Variants in CRADD observed in about 807,000 individuals in gnomAD.
CRADD encodes death domain-containing protein CRADD.
Under a neutral mutation model 15.5 loss-of-function variants are expected in CRADD, and 9 were observed. The ratio of observed to expected loss-of-function variants is 0.58; its 90% CI spans 0.35 to 1.01. The LOEUF is 1.01. Ranked by LOEUF, CRADD falls within the 50% of genes least tolerant of loss-of-function variation. The pLI is 0.02. For synonymous variants in CRADD, 118 were observed against 107.6 expected, an observed-to-expected ratio of 1.10 and a Z score of -0.60; for missense variants, 227 against 250.3, an observed-to-expected ratio of 0.91 and a Z score of 0.63.
chr12:93,687,193 A>G (rs1955458916), intron 2 of CRADD, among the ~76,000 whole-genome samples: 1 of 152,202 alleles, frequency 6.6e-6, no homozygotes, highest in Non-Finnish European at 1.5e-5. Flanking sequence ...TAGGAATAGC[A>G]AACATGTGAC....
chr12:93,684,547 A>C (rs1408277999), intron 2 of CRADD, among the ~76,000 whole-genome samples: 1 of 152,220 alleles, frequency 6.6e-6, no homozygotes, highest in Non-Finnish European at 1.5e-5. Context: ...TGTGCAAGAC[A>C]GTAGGTGCTG....
At chr12:93,894,406 C>A in exon 3 of CRADD, 1 of 427,248 alleles carries the variant, frequency 2.3e-6, no homozygotes, top group Non-Finnish European at 4.3e-6. Context: ...GTGAGAAGCC[C>A]TGGTCTATAC....
At chr12:93,686,304 C>CAGAAAA (rs1955438143) in intron 2 of CRADD, among the ~76,000 whole-genome samples, 1 of 65,984 alleles carries the variant, frequency 1.5e-5, no homozygotes, top group Non-Finnish European at 2.7e-5. Flanking sequence ...CCATCCCCCC[C>CAGAAAA]AAAAAAAAAA....
Position 93,824,421 on chromosome 12 carries a change from T to TACAC in CRADD, c.299-25532_299-25529dup, listed in dbSNP as rs35071454. Among the ~76,000 whole-genome samples the TACAC allele has an allele frequency of 0.088, 13,267 of 150,426 alleles. 632 individuals carry two copies. The highest frequency in any genetic ancestry group is 0.23 in the Middle Eastern group (68 of 292). On this transcript the variant is annotated intron_variant, in intron 2 of 2. Transcript: ENST00000332896. This position sits in a 1 kb window ranked among gnomAD's most constrained non-coding sequence, Gnocchi z 4.3. ...ACACACACACACTCATACACACACA[T>TACAC]ACACACACACACACACACACTACCA...
chr12:93,855,356 A>G (rs1025891135), downstream of CRADD, among the ~76,000 whole-genome samples: 6 of 152,082 alleles, frequency 3.9e-5, no homozygotes, highest in African/African-American at 1.2e-4. Context: ...TCATTCAGCT[A>G]TTCAGCAAAC....
At chr12:93,743,817 T>C (rs187255567) in intron 2 of CRADD, among the ~76,000 whole-genome samples, 1 of 152,324 alleles carries the variant, frequency 6.6e-6, no homozygotes, top group East Asian at 1.9e-4. Flanking sequence ...CTTGAAATTA[T>C]GCAATAAAAT....
intron 2 of CRADD, among the ~76,000 whole-genome samples, chr12:93,742,902 G>C (rs990517726): frequency 7.2e-5 from 11 of 152,228 alleles, no homozygotes; most frequent in Admixed American, 6.5e-4. Flanking sequence ...GGGGGGTCAG[G>C]CTGCCCTCCC....
chr12:93,767,815 CT>C (rs1430549900), intron 2 of CRADD, among the ~76,000 whole-genome samples: 1 of 152,180 alleles, frequency 6.6e-6, no homozygotes, highest in Non-Finnish European at 1.5e-5. Flanking sequence ...TTCTTATGAC[CT>C]GAAAAGATGT....
intron 2 of CRADD, among the ~76,000 whole-genome samples, chr12:93,722,915 G>C (rs1342037379): frequency 6.6e-6 from 1 of 152,144 alleles, no homozygotes; most frequent in Non-Finnish European, 1.5e-5. Context: ...GGGGTAAAGG[G>C]ATCACTCTTA....
At chr12:93,833,615 A>G (rs763807763) in intron 2 of CRADD, among the ~76,000 whole-genome samples, 1 of 152,202 alleles carries the variant, frequency 6.6e-6, no homozygotes, top group African/African-American at 2.4e-5. Flanking sequence ...CAAAGTGTAT[A>G]GGCATGAGCC....
intron 2 of CRADD, among the ~76,000 whole-genome samples, chr12:93,884,571 C>G (rs1958523166): frequency 1.3e-5 from 2 of 152,140 alleles, no homozygotes; most frequent in African/African-American, 4.8e-5. Flanking sequence ...CGAGGAGGAA[C>G]CTGGCCTCTC....
At position 93,767,721 on chromosome 12, in the gene CRADD, CT is replaced by C. The variant is rs1482568360; in HGVS notation, c.299-82248del. On this transcript the variant is annotated intron_variant, in intron 2 of 2. Coordinates refer to ENST00000332896, the MANE Select transcript of CRADD (RefSeq NM_003805.5). ...AGCCTGAATCATCACATTTCACACC[CT>C]CTTAGAGGAAGGCAGGGTTCATGCC... Among the ~76,000 whole-genome samples the C allele has an allele frequency of 2.0e-5, 3 of 152,210 alleles. No individual in the cohort carries two copies. The East Asian group carries it at 5.8e-4, about 29-fold the overall frequency.
intron 2 of CRADD, chr12:93,737,660 C>G (rs777689608): frequency 6.6e-6 from 1 of 152,172 alleles, no homozygotes; most frequent in Non-Finnish European, 1.5e-5. Flanking sequence ...TCCAGAGAAT[C>G]AATATAGTAG....
At chr12:93,781,273 G>A (rs10859577) in intron 2 of CRADD, among the ~76,000 whole-genome samples, 86,044 of 151,878 alleles carry the variant, frequency 0.57, 25,257 homozygotes, top group East Asian at 0.89. Flanking sequence ...AAGACAATAA[G>A]ACAAAAAAAT....
intron 2 of CRADD, among the ~76,000 whole-genome samples, chr12:93,747,915 G>A (rs1956780284): frequency 6.6e-6 from 1 of 152,168 alleles, no homozygotes. Flanking sequence ...AAGGTAGTTA[G>A]ACCACAGTCT....
intron 2 of CRADD, among the ~76,000 whole-genome samples, chr12:93,695,130 A>G (rs546944255): frequency 2.0e-5 from 3 of 152,350 alleles, no homozygotes; most frequent in South Asian, 4.1e-4. Flanking sequence ...CACATAGACC[A>G]ATGGAACAGA....
chr12:93,682,119 G>A (rs1186773197), intron 2 of CRADD, among the ~76,000 whole-genome samples: 2 of 152,042 alleles, frequency 1.3e-5, no homozygotes, highest in Non-Finnish European at 1.5e-5. Flanking sequence ...TGTAAATCCT[G>A]GGAAGAGTAT....
At chr12:93,740,041 T>A (rs545761217) in intron 2 of CRADD, among the ~76,000 whole-genome samples, 8 of 152,244 alleles carry the variant, frequency 5.3e-5, no homozygotes, top group African/African-American at 4.8e-5. Context: ...TTAGAAAACA[T>A]CATAAACTAA....
chr12:93,825,033 A>T (rs1203250068), intron 2 of CRADD, among the ~76,000 whole-genome samples: 1 of 152,222 alleles, frequency 6.6e-6, no homozygotes, highest in Admixed American at 6.5e-5. Flanking sequence ...GTTAAAGTAC[A>T]TCTAACCCCA....
Sources: allele counts gnomAD v4.1 joint callset (sites outside exome capture counted in the v4.1 genomes callset), GRCh38; gene constraint gnomAD v4.1.1; non-coding constraint Gnocchi (gnomAD v3.1); transcripts MANE v1.5; gene names NCBI Gene and HGNC (gene_info 2026-07-23, HGNC 2026-07-21).